ARHGEF3: variants seen among roughly 807,000 people sequenced by gnomAD.
ARHGEF3 encodes the protein Rho guanine nucleotide exchange factor 3.
In ARHGEF3, 28 loss-of-function variants were observed where a neutral mutation model predicts 63.2. The observed-to-expected ratio is 0.44, with a 90% CI of 0.33 to 0.61. The LOEUF is 0.61. Ranked by LOEUF, ARHGEF3 falls within the 20% of genes least tolerant of loss-of-function variation. ARHGEF3 has a pLI of 0.03. For synonymous variants in ARHGEF3, 266 were observed against 254.2 expected, an observed-to-expected ratio of 1.05 and a Z score of -0.44; for missense variants, 533 against 659.3, an observed-to-expected ratio of 0.81 and a Z score of 2.10.
rs139617096 is a variant in ARHGEF3 at position 56,843,982 on chromosome 3, C to A, written c.192+38310G>T. 4.0e-3 allele frequency among the ~76,000 whole-genome samples: 605 copies of A among 152,242 alleles called. 1 individual carries two copies. Among genetic ancestry groups the A allele is most frequent in the African/African-American group, 0.014 (566 of 41,536 alleles). Reference sequence around the variant, plus strand: ...GTATGGCCTTGGACTCATTAAACATCCATGAATCTCAGACTCATCAATTGC... The same window carrying A: ...GTATGGCCTTGGACTCATTAAACATACATGAATCTCAGACTCATCAATTGC... On this transcript the variant is annotated intron_variant, in intron 4 of 12. Coordinates refer to the ARHGEF3 transcript ENST00000338458.
At chr3:57,012,450 G>C (rs1702742723) in intron 2 of ARHGEF3, among the ~76,000 whole-genome samples, 1 of 152,110 alleles carries the variant, frequency 6.6e-6, no homozygotes, top group South Asian at 2.1e-4. Context: ...GTAGCGACGG[G>C]GTTTCACAAT....
chr3:56,867,022 T>C (rs9841722), intron 4 of ARHGEF3, among the ~76,000 whole-genome samples: 95,218 of 152,122 alleles, frequency 0.63, 30,474 homozygotes, highest in East Asian at 0.78. Flanking sequence ...AAAAGCCTGG[T>C]ATTATTTTTA....
At chr3:56,997,784 T>C (rs960488419) in intron 2 of ARHGEF3, among the ~76,000 whole-genome samples, 1 of 152,162 alleles carries the variant, frequency 6.6e-6, no homozygotes, top group Non-Finnish European at 1.5e-5. Context: ...GTCATTCCCC[T>C]GTATTATCAG....
At chr3:56,840,565 C>T (rs915177664) in intron 4 of ARHGEF3, among the ~76,000 whole-genome samples, 3 of 152,178 alleles carry the variant, frequency 2.0e-5, no homozygotes, top group Non-Finnish European at 4.4e-5. Context: ...AGGGACTCAG[C>T]GCAGTGCCGT....
intron 3 of ARHGEF3, among the ~76,000 whole-genome samples, chr3:56,948,647 A>G (rs1217005608): frequency 6.6e-6 from 1 of 152,192 alleles, no homozygotes; most frequent in African/African-American, 2.4e-5. Flanking sequence ...ATAGCTTACC[A>G]ACCAAAAAAA....
chr3:56,956,796 C>T (rs192345539), intron 3 of ARHGEF3, among the ~76,000 whole-genome samples: 44 of 152,248 alleles, frequency 2.9e-4, no homozygotes, highest in Middle Eastern at 6.8e-3. Flanking sequence ...AAAACAAAGG[C>T]CTTCAAAAAG....
intron 4 of ARHGEF3, among the ~76,000 whole-genome samples, chr3:56,829,477 G>A (rs2038852936): frequency 6.6e-6 from 1 of 152,166 alleles, no homozygotes; most frequent in African/African-American, 2.4e-5. Flanking sequence ...TACTCAGGAA[G>A]CTCTAGCTAT....
intron 2 of ARHGEF3, among the ~76,000 whole-genome samples, chr3:56,995,237 G>A (rs1364789838): frequency 2.0e-5 from 3 of 152,056 alleles, no homozygotes; most frequent in South Asian, 2.1e-4. Context: ...TTTCCTCTGT[G>A]CTATGAGCTG....
chr3:57,020,417 A>C (rs1703206495), intron 2 of ARHGEF3, among the ~76,000 whole-genome samples: 1 of 152,172 alleles, frequency 6.6e-6, no homozygotes, highest in Non-Finnish European at 1.5e-5. Flanking sequence ...TGTGGGTGAC[A>C]GCACCTGGCC....
intron 7 of ARHGEF3, among the ~76,000 whole-genome samples, chr3:56,739,901 A>T (rs79527858): frequency 2.1e-5 from 3 of 142,196 alleles, no homozygotes; most frequent in Non-Finnish European, 4.6e-5. Context: ...AGTTTCAAAG[A>T]TTTTTTTTTT....
chr3:56,759,800 C>T (rs2035316999), intron 2 of ARHGEF3, among the ~76,000 whole-genome samples: 1 of 152,182 alleles, frequency 6.6e-6, no homozygotes, highest in Non-Finnish European at 1.5e-5. Context: ...CCCGCCTCAG[C>T]CTCCCAAACT....
intron 1 of ARHGEF3, among the ~76,000 whole-genome samples, chr3:56,788,316 C>T (rs527795103): frequency 7.1e-4 from 108 of 152,242 alleles, no homozygotes; most frequent in African/African-American, 2.2e-3. Flanking sequence ...TCCCCCTCCT[C>T]GTGGTTGACA....
intron 3 of ARHGEF3, among the ~76,000 whole-genome samples, chr3:56,924,962 C>A (rs952735556): frequency 6.6e-6 from 1 of 152,200 alleles, no homozygotes; most frequent in African/African-American, 2.4e-5. Context: ...CAGCTGAACC[C>A]CCTACCTGGC....
intron 2 of ARHGEF3, among the ~76,000 whole-genome samples, chr3:56,759,867 G>T (rs1183615148): frequency 6.6e-6 from 1 of 152,132 alleles, no homozygotes; most frequent in Non-Finnish European, 1.5e-5. Flanking sequence ...ATTTTTTAGT[G>T]AACAATTCAG....
At chr3:56,769,779 A>C (rs2035907083) in intron 2 of ARHGEF3, among the ~76,000 whole-genome samples, 1 of 152,224 alleles carries the variant, frequency 6.6e-6, no homozygotes, top group African/African-American at 2.4e-5. Flanking sequence ...TAATTAAAAG[A>C]ATCCAACCTG....
At chr3:57,002,424 C>CTATATA (rs55778548) in intron 2 of ARHGEF3, among the ~76,000 whole-genome samples, 2,419 of 62,756 alleles carry the variant, frequency 0.039, 150 homozygotes, top group South Asian at 0.1. Flanking sequence ...GTTCTAAGCA[C>CTATATA]TATATATATA....
intron 1 of ARHGEF3, among the ~76,000 whole-genome samples, chr3:57,070,400 C>T (rs9871274): frequency 0.28 from 42,321 of 152,046 alleles, 6,879 homozygotes; most frequent in East Asian, 0.48. Flanking sequence ...ACATTTACAT[C>T]GCTGGAGTTT....
chr3:57,017,005 G>GTCTCTCTCTCTCTCTCTC lies in ARHGEF3; in HGVS notation c.62+18065_62+18082dup, dbSNP rs370663400. Among the ~76,000 whole-genome samples, 372 of 129,008 alleles carry GTCTCTCTCTCTCTCTCTC rather than the reference G, an allele frequency of 2.9e-3. 4 individuals are homozygous for GTCTCTCTCTCTCTCTCTC. Among genetic ancestry groups the GTCTCTCTCTCTCTCTCTC allele is most frequent in the African/African-American group, 0.012 (355 of 30,454 alleles). The allele number at this position is 129,008 out of a possible 152,430, so 84.6% of individuals were successfully genotyped here. A position where few individuals can be genotyped will look rare whatever the true frequency, so the allele number is the denominator to read the frequency against. On this transcript the variant is annotated intron_variant, in intron 2 of 12. Coordinates refer to the ARHGEF3 transcript ENST00000338458. Reference sequence around the variant, plus strand: ...GGAGAGAGAGGAAAGCTTTCTCTCTGTCTCTCTCTCTCTCTCTCTCTCTCT... The same window carrying GTCTCTCTCTCTCTCTCTC: ...GGAGAGAGAGGAAAGCTTTCTCTCTGTCTCTCTCTCTCTCTCTCTCTCTCTCTCTCTCTCTCTCTCTCT...
chr3:56,785,857 C>T (rs531411395), intron 1 of ARHGEF3, among the ~76,000 whole-genome samples: 22 of 152,284 alleles, frequency 1.4e-4, no homozygotes, highest in African/African-American at 4.3e-4. Flanking sequence ...ACTACAGGGA[C>T]GTCTGACCAA....
Sources: gnomAD v4.1 joint callset for allele counts (sites outside exome capture counted in the v4.1 genomes callset) on GRCh38, gnomAD v4.1.1 for gene constraint, MANE v1.5 for transcripts, NCBI Gene and HGNC (gene_info 2026-07-23, HGNC 2026-07-21) for gene names.